TRAPPC6B: variants seen among roughly 807,000 people sequenced by gnomAD.
TRAPPC6B encodes the protein trafficking protein particle complex subunit 6B.
TRAPPC6B carries 27 observed loss-of-function variants against 24.7 expected under a neutral mutation model. The ratio of observed to expected loss-of-function variants is 1.09; its 90% CI spans 0.81 to 1.51. The LOEUF (loss-of-function observed/expected upper bound fraction) is 1.51, where lower values mean the gene tolerates loss of function less well. Among genes scored for constraint, TRAPPC6B ranks in the 40% most tolerant of loss-of-function variants. TRAPPC6B has a pLI of 0.00. For synonymous variants in TRAPPC6B, 80 were observed against 66.6 expected, an observed-to-expected ratio of 1.20 and a Z score of -0.98; for missense variants, 212 against 190.8, an observed-to-expected ratio of 1.11 and a Z score of -0.66.
intron 5 of TRAPPC6B, 25 bp from the exon 6 acceptor site, chr14:39,150,406 CTTTGA>C (rs1566544552): frequency 1.3e-6 from 2 of 1,512,548 alleles, no homozygotes; most frequent in Non-Finnish European, 1.8e-6. Flanking sequence ...ACAAATAATT[CTTTGA>C]TTTTAGATAC....
At position 39,159,566 on chromosome 14, in the gene TRAPPC6B, ATAGTTT is replaced by A. The variant is rs1566548962; in HGVS notation, c.82-22_82-17del. 6.3e-7 allele frequency: 1 copy of A among 1,575,912 alleles called. No homozygotes were observed. Among genetic ancestry groups the A allele is most frequent in the Admixed American group, 1.7e-5 (1 of 57,848 alleles). On this transcript the variant is annotated splice_polypyrimidine_tract_variant and intron_variant, in intron 1 of 5. Coordinates refer to ENST00000330149, the MANE Select transcript of TRAPPC6B (RefSeq NM_001079537.2). ...GTCCGTTTTCCTATTTTAAAAAACA[ATAGTTT>A]TAAATACTTTTAGAATGCTAGGATG...
At chr14:39,157,957 T>C in intron 3 of TRAPPC6B, 1 of 195,532 alleles carries the variant, frequency 5.1e-6, no homozygotes, top group Non-Finnish European at 1.0e-5. Flanking sequence ...AAAGGTGATA[T>C]ATTTGTGGTT....
At chr14:39,153,864 C>A (rs2052944946) in intron 4 of TRAPPC6B, among the ~76,000 whole-genome samples, 1 of 152,008 alleles carries the variant, frequency 6.6e-6, no homozygotes, top group Middle Eastern at 3.2e-3. Flanking sequence ...GCCAGAACGT[C>A]CAGCTATTTT....
intron 3 of TRAPPC6B, 22 bp downstream of exon 3, chr14:39,158,263 A>C: frequency 9.5e-4 from 1,033 of 1,085,320 alleles, no homozygotes; most frequent in Non-Finnish European, 1.3e-3. Context: ...TTTAAAATAT[A>C]GGCCTTAATT....
At chr14:39,162,941 T>A (rs2053074180) in intron 1 of TRAPPC6B, among the ~76,000 whole-genome samples, 1 of 143,696 alleles carries the variant, frequency 7.0e-6, no homozygotes, top group East Asian at 1.9e-4. Flanking sequence ...GCATCAACTC[T>A]TCCTCCAGAT....
At chr14:39,152,193 C>G (rs1555335964) in intron 4 of TRAPPC6B, among the ~76,000 whole-genome samples, 1 of 152,212 alleles carries the variant, frequency 6.6e-6, no homozygotes, top group Non-Finnish European at 1.5e-5. Flanking sequence ...TAAGTAGATA[C>G]AGTCTGCAGA....
At chr14:39,166,655 T>C (rs927474684) in intron 1 of TRAPPC6B, among the ~76,000 whole-genome samples, 7 of 152,184 alleles carry the variant, frequency 4.6e-5, no homozygotes, top group Non-Finnish European at 2.9e-5. Context: ...ATGTAGGTAG[T>C]TAAATGATAA....
chr14:39,151,726 G>T lies in TRAPPC6B; in HGVS notation c.445+20C>A. On this transcript the variant is annotated intron_variant, in intron 5 of 5. Coordinates refer to ENST00000330149, the MANE Select transcript of TRAPPC6B (RefSeq NM_001079537.2). ...AAACAAATTACTAAAACATTTGTAA[G>T]AAAGGCGAATTCAACTTACAAGCAG... The T allele has an allele frequency of 6.6e-7, 1 of 1,513,802 alleles. No individual in the cohort carries two copies. Among genetic ancestry groups the T allele is most frequent in the Non-Finnish European group, 8.9e-7 (1 of 1,122,778 alleles). 93.8% of individuals were successfully genotyped at this position (1,513,802 alleles called of 1,614,324 possible).
At chr14:39,157,024 T>C (rs941473763) in intron 3 of TRAPPC6B, among the ~76,000 whole-genome samples, 1 of 150,956 alleles carries the variant, frequency 6.6e-6, no homozygotes, top group African/African-American at 2.4e-5. Flanking sequence ...GCAGAATGGC[T>C]TGAACCCAGG....
At chr14:39,166,265 A>C (rs77793953) in intron 1 of TRAPPC6B, among the ~76,000 whole-genome samples, 3 of 125,914 alleles carry the variant, frequency 2.4e-5, no homozygotes, top group South Asian at 2.5e-4. Flanking sequence ...TAAAAAAAAA[A>C]AAAACAAAAA....
chr14:39,154,009 T>C (rs2052946690), intron 4 of TRAPPC6B, among the ~76,000 whole-genome samples: 1 of 152,174 alleles, frequency 6.6e-6, no homozygotes, highest in South Asian at 2.1e-4. Flanking sequence ...CCGGCCAGTG[T>C]TTCTTTAATT....
At chr14:39,163,403 T>C (rs1189056994) in intron 1 of TRAPPC6B, among the ~76,000 whole-genome samples, 1 of 147,488 alleles carries the variant, frequency 6.8e-6, no homozygotes, top group Non-Finnish European at 1.5e-5. Context: ...ACCAGCAACA[T>C]CAGCATCACA....
rs2052878737 is a variant in TRAPPC6B at position 39,148,424 on chromosome 14, A to G, written c.*1926T>C. 1.1e-5 allele frequency: 4 copies of G among 352,970 alleles called. No homozygotes were observed. Among genetic ancestry groups the G allele is most frequent in the Non-Finnish European group, 2.0e-5 (4 of 197,104 alleles). The allele number at this position is 352,970 out of a possible 1,614,324, so 21.9% of individuals were successfully genotyped here. On this transcript the variant is annotated 3_prime_UTR_variant, in exon 6 of 6. Transcript: ENST00000330149. ...AGCACCCTATTCTATAGCACAAGGCAGCCATACAGAGTTTTAGGCCAAAAA... is the reference window on the plus strand; with the variant it reads ...AGCACCCTATTCTATAGCACAAGGCGGCCATACAGAGTTTTAGGCCAAAAA...
At chr14:39,158,491 C>T (rs9322994) in intron 2 of TRAPPC6B, 89 bp from the exon 3 acceptor site, 191,345 of 761,628 alleles carry the variant, frequency 0.25, 25,509 homozygotes, top group Middle Eastern at 0.38. Flanking sequence ...AATGCCAGAA[C>T]AGCACTGAAC....
At chr14:39,169,006 A>C (rs1435090708) in intron 1 of TRAPPC6B, among the ~76,000 whole-genome samples, 1 of 152,208 alleles carries the variant, frequency 6.6e-6, no homozygotes, top group Non-Finnish European at 1.5e-5. Flanking sequence ...CTCTCTATTC[A>C]GTCTAGTCCA....
Position 39,165,796 on chromosome 14 carries a change from C to A in TRAPPC6B, c.81+4219G>T, listed in dbSNP as rs970295132. ...TGCATGACAGAGCAAGACATTGTCT[C>A]TCTCTCTCTCTCTCTGTTTTTTTTT... On this transcript the variant is annotated intron_variant, in intron 1 of 5. Coordinates refer to ENST00000330149, the MANE Select transcript of TRAPPC6B (RefSeq NM_001079537.2). Among the ~76,000 whole-genome samples, 12 of 122,988 alleles carry A rather than the reference C, an allele frequency of 9.8e-5. No individual in the cohort carries two copies. The East Asian group carries it at 5.0e-3, about 51-fold the overall frequency. 80.7% of individuals were successfully genotyped at this position (122,988 alleles called of 152,430 possible). A position where few individuals can be genotyped will look rare whatever the true frequency, so the allele number is the denominator to read the frequency against.
chr14:39,168,037 A>C (rs2053125500), intron 1 of TRAPPC6B, among the ~76,000 whole-genome samples: 1 of 152,096 alleles, frequency 6.6e-6, no homozygotes, highest in Admixed American at 6.6e-5. Context: ...AACAGGGTGA[A>C]ACTCCGTCTC....
At chr14:39,162,139 G>A (rs892732642) in intron 1 of TRAPPC6B, among the ~76,000 whole-genome samples, 17 of 152,108 alleles carry the variant, frequency 1.1e-4, no homozygotes, top group Non-Finnish European at 2.1e-4. Flanking sequence ...AAGAATAGAC[G>A]TTCCTCCAAC....
At position 39,149,256 on chromosome 14, in the gene TRAPPC6B, A is replaced by T. The variant is rs1396455438; in HGVS notation, c.*1094T>A. ...GTATAGTCAATCTTCTTAATCTGCC[A>T]TTTCTATGGCAGAGTACCCAGTGAA... On this transcript the variant is annotated 3_prime_UTR_variant, in exon 6 of 6. Coordinates refer to ENST00000330149, the MANE Select transcript of TRAPPC6B (RefSeq NM_001079537.2). 1 of 152,206 alleles carries T rather than the reference A, an allele frequency of 6.6e-6. No individual in the cohort carries two copies. The highest frequency in any genetic ancestry group is 1.5e-5 in the Non-Finnish European group (1 of 68,084). The allele number at this position is 152,206 out of a possible 1,614,324, so 9.4% of individuals were successfully genotyped here. A position where few individuals can be genotyped will look rare whatever the true frequency, so the allele number is the denominator to read the frequency against.
Sources: gnomAD v4.1 joint callset for allele counts (sites outside exome capture counted in the v4.1 genomes callset) on GRCh38, gnomAD v4.1.1 for gene constraint, MANE v1.5 for transcripts, NCBI Gene and HGNC (gene_info 2026-07-23, HGNC 2026-07-21) for gene names.